The following EXOC2 variants were observed in gnomAD, a reference collection of about 807,000 sequenced individuals.
The protein encoded by EXOC2 is exocyst complex component 2, also known as SEC5-like 1.
EXOC2 carries 70 observed loss-of-function variants against 131.8 expected under a neutral mutation model. The observed-to-expected ratio is 0.53, with a 90% CI of 0.44 to 0.65. The LOEUF (loss-of-function observed/expected upper bound fraction) is 0.65, where lower values mean the gene tolerates loss of function less well. Ranked by LOEUF, EXOC2 falls within the 30% of genes least tolerant of loss-of-function variation. The pLI is 0.00. For missense variants in EXOC2, 923 were observed against 1,108.6 expected, an observed-to-expected ratio of 0.83 and a Z score of 2.38; for synonymous variants, 411 against 398.4, an observed-to-expected ratio of 1.03 and a Z score of -0.38.
At chr6:525,717 T>G (rs1376268656) in intron 23 of EXOC2, 1 of 152,218 alleles carries the variant, frequency 6.6e-6, no homozygotes, top group Admixed American at 6.5e-5. Context: ...AAATTAAAGT[T>G]TTCTAGCATG....
intron 25 of EXOC2, among the ~76,000 whole-genome samples, chr6:492,628 C>T (rs986270537): frequency 1.3e-5 from 2 of 152,182 alleles, no homozygotes; most frequent in Admixed American, 6.5e-5. Flanking sequence ...CATTACGCTA[C>T]ATGAAAGAAG....
chr6:650,319 G>A (rs1476087429), intron 1 of EXOC2, among the ~76,000 whole-genome samples: 1 of 152,182 alleles, frequency 6.6e-6, no homozygotes, highest in East Asian at 1.9e-4. Context: ...AAGATGATTG[G>A]ATGAGATCAG....
At chr6:589,358 G>A (rs1234922124) in intron 11 of EXOC2, among the ~76,000 whole-genome samples, 1 of 152,072 alleles carries the variant, frequency 6.6e-6, no homozygotes, top group Non-Finnish European at 1.5e-5. Flanking sequence ...GCTTCTCAAT[G>A]CTGATCTAGA....
chr6:512,436 T>C (rs773676521), intron 23 of EXOC2, among the ~76,000 whole-genome samples: 1 of 152,254 alleles, frequency 6.6e-6, no homozygotes, highest in Non-Finnish European at 1.5e-5. Flanking sequence ...ATTTTCTTAA[T>C]AGCATTTTCT....
At chr6:672,788 G>A (rs140795508) in intron 1 of EXOC2, among the ~76,000 whole-genome samples, 1 of 152,142 alleles carries the variant, frequency 6.6e-6, no homozygotes, top group Non-Finnish European at 1.5e-5. Context: ...GTGAGGATTC[G>A]AGTGGTGACT....
In EXOC2 at chr6:556,522, G is replaced by C; in HGVS notation, c.1894C>G (p.Leu632Val). The change falls in exon 18 of 28, where the codon CTG (leucine) becomes GTG (valine). Residue 632 changes from leucine to valine, a missense_variant. By Grantham distance (32) the Leu-to-Val change is conservative. Transcript: ENST00000230449. ...EQCIVCSLQSLKGVLECKPGE... is the reference protein window; with the variant it reads ...EQCIVCSLQSVKGVLECKPGE... ...GGCTTGCACTCCAGAACCCCCTTCAGTGACTGCAGAGAACACACGATGCAC... is the reference window on the plus strand; with the variant it reads ...GGCTTGCACTCCAGAACCCCCTTCACTGACTGCAGAGAACACACGATGCAC... 1 of 1,614,164 alleles carries C rather than the reference G, an allele frequency of 6.2e-7. No homozygotes were observed. The highest frequency in any genetic ancestry group is 8.5e-7 in the Non-Finnish European group (1 of 1,180,010).
chr6:631,343 G>A (rs564439941), intron 3 of EXOC2, among the ~76,000 whole-genome samples: 1 of 152,130 alleles, frequency 6.6e-6, no homozygotes, highest in Non-Finnish European at 1.5e-5. Flanking sequence ...TTCGAGACCA[G>A]CCTGACCAAC....
intron 23 of EXOC2, among the ~76,000 whole-genome samples, chr6:514,881 G>A (rs970350624): frequency 1.3e-5 from 2 of 152,208 alleles, no homozygotes; most frequent in Non-Finnish European, 2.9e-5. Flanking sequence ...AGGGAGGCAG[G>A]GCCCTCTGAG....
intron 23 of EXOC2, among the ~76,000 whole-genome samples, chr6:515,244 C>G (rs1216080881): frequency 6.6e-6 from 1 of 152,198 alleles, no homozygotes; most frequent in East Asian, 1.9e-4. Flanking sequence ...CCACCTCACC[C>G]TACCCCAGAA....
intron 23 of EXOC2, among the ~76,000 whole-genome samples, chr6:514,969 G>A (rs1225497199): frequency 6.6e-6 from 1 of 152,212 alleles, no homozygotes; most frequent in African/African-American, 2.4e-5. Context: ...AAAACATTAG[G>A]CACTGGTGGC....
intron 6 of EXOC2, 58 bp downstream of exon 6, chr6:617,653 G>T: frequency 6.3e-7 from 1 of 1,577,846 alleles, no homozygotes; most frequent in East Asian, 2.3e-5. Context: ...CACCCTGCAG[G>T]CAGTGCCGGG....
chr6:558,005 G>A (rs549779680), intron 17 of EXOC2, among the ~76,000 whole-genome samples: 21 of 152,128 alleles, frequency 1.4e-4, no homozygotes, highest in Non-Finnish European at 3.1e-4. Flanking sequence ...TGGGGTAGGC[G>A]GCCGGGCTTC....
intron 18 of EXOC2, 131 bp from the exon 19 acceptor site, chr6:556,144 G>T: frequency 2.5e-6 from 2 of 813,078 alleles, no homozygotes; most frequent in Non-Finnish European, 4.0e-6. Flanking sequence ...AAAAGGAGGC[G>T]TGCGAAGAGT....
chr6:643,333 G>A (rs1373511456), intron 1 of EXOC2, among the ~76,000 whole-genome samples: 4 of 120,594 alleles, frequency 3.3e-5, no homozygotes, highest in Non-Finnish European at 7.4e-5. Context: ...GGGCCATAAA[G>A]TAAGTCACAG....
chr6:578,836 ATGTT>A (rs1758731561), intron 11 of EXOC2, among the ~76,000 whole-genome samples: 1 of 152,202 alleles, frequency 6.6e-6, no homozygotes, highest in Admixed American at 6.5e-5. Context: ...TCATATAAAA[ATGTT>A]TGTGTGGATG....
intron 23 of EXOC2, among the ~76,000 whole-genome samples, chr6:505,816 C>A (rs1202286326): frequency 6.6e-6 from 1 of 152,154 alleles, no homozygotes; most frequent in Non-Finnish European, 1.5e-5. Context: ...ACAGATGGCA[C>A]AAGATGTTCA....
At chr6:523,754 G>GCTCAC (rs1168818468) in intron 23 of EXOC2, among the ~76,000 whole-genome samples, 1 of 152,210 alleles carries the variant, frequency 6.6e-6, no homozygotes, top group African/African-American at 2.4e-5. Flanking sequence ...TGCAATCATA[G>GCTCAC]CTCACTATAA....
chr6:491,016 A>G, intron 26 of EXOC2, 109 bp downstream of exon 26: 1 of 1,141,410 alleles, frequency 8.8e-7, no homozygotes, highest in South Asian at 1.3e-5. Flanking sequence ...TCACATCACA[A>G]ATTCATGAGC....
intron 7 of EXOC2, among the ~76,000 whole-genome samples, chr6:608,484 C>G (rs1222311346): frequency 6.6e-6 from 1 of 151,886 alleles, no homozygotes; most frequent in Non-Finnish European, 1.5e-5. Context: ...AAGAAGTGAC[C>G]ATTTATATTA....
Sources: gnomAD v4.1 joint callset for allele counts (sites outside exome capture counted in the v4.1 genomes callset) on GRCh38, gnomAD v4.1.1 for gene constraint, MANE v1.5 for transcripts, NCBI Gene and HGNC (gene_info 2026-07-23, HGNC 2026-07-21) for gene names.